The following SIN3A variants were observed in gnomAD, a reference collection of about 807,000 sequenced individuals.
SIN3A encodes SIN3 transcription regulator family member A.
Under a neutral mutation model 146.1 loss-of-function variants are expected in SIN3A, and 14 were observed. The observed-to-expected ratio is 0.10, with a 90% CI of 0.06 to 0.15. The LOEUF (loss-of-function observed/expected upper bound fraction) is 0.15, where lower values mean the gene tolerates loss of function less well. Ranked by LOEUF, SIN3A falls within the 10% of genes least tolerant of loss-of-function variation. SIN3A has a pLI of 1.00. For synonymous variants in SIN3A, 572 were observed against 572.0 expected (o/e 1.00, Z 0.00); for missense variants, 1,028 against 1,576.0 (o/e 0.65, Z 5.89).
intron 8 of SIN3A, among the ~76,000 whole-genome samples, chr15:75,409,374 T>A (rs2073582404): frequency 6.6e-6 from 1 of 151,982 alleles, no homozygotes; most frequent in South Asian, 2.1e-4. Flanking sequence ...CCAGATAAAC[T>A]CTGCACTGAG....
intron 1 of SIN3A, among the ~76,000 whole-genome samples, chr15:75,437,066 A>C (rs2074119978): frequency 6.6e-6 from 1 of 152,220 alleles, no homozygotes; most frequent in Non-Finnish European, 1.5e-5. Flanking sequence ...TTAGAAGTCC[A>C]GCACTGAGCC....
chr15:75,445,727 G>A (rs1181267805), intron 1 of SIN3A, among the ~76,000 whole-genome samples: 1 of 148,448 alleles, frequency 6.7e-6, no homozygotes, highest in Non-Finnish European at 1.5e-5. Flanking sequence ...CTCTAGCCTG[G>A]GCAACACAGT....
At chr15:75,383,719 G>A (rs1347936145) in intron 17 of SIN3A, among the ~76,000 whole-genome samples, 11 of 151,968 alleles carry the variant, frequency 7.2e-5, no homozygotes, top group East Asian at 1.9e-4. Flanking sequence ...TAGTAGAGAC[G>A]GGGGCAATCC....
intron 1 of SIN3A, 87 bp downstream of exon 1, chr15:75,451,336 G>GCC (rs200044330): frequency 1.0e-5 from 1 of 98,974 alleles, no homozygotes; most frequent in African/African-American, 3.5e-5. Context: ...GAGGAGGTCA[G>GCC]CCCCCCCCCC....
rs759986615 is a variant in SIN3A, at chr15:75,380,654, C to T, written c.3358G>A (p.Ala1120Thr). ...CTGGGGAGAAATACTGGTTTCTGTG[C>T]TAGATGTTCACGAAGCTCAGGCGAG... is the stretch of plus-strand genomic sequence containing the variant. ...TTSPELREHL[A>T]QKPVFLPRNL... The change falls in exon 19 of 21, where the codon GCA (alanine) becomes ACA (threonine). Residue 1120 changes from alanine to threonine, a missense_variant. Physicochemically the swap from Ala to Thr is moderately conservative, Grantham distance 58. Around this residue, in one of 9 missense-constraint regions of SIN3A, gnomAD observed 488 missense variants for 690.2 expected, o/e 0.71. Transcript: ENST00000394947. The T allele has an allele frequency of 3.7e-6, 6 of 1,613,868 alleles. No homozygotes were observed. The South Asian group carries it at 6.6e-5, about 18-fold the overall frequency.
intron 1 of SIN3A, 82 bp downstream of exon 1, chr15:75,451,341 C>CG (rs1415540611): frequency 3.8e-5 from 5 of 130,222 alleles, no homozygotes; most frequent in Admixed American, 7.2e-5. Flanking sequence ...GGTCAGCCCC[C>CG]CCCCCCCAAA....
intron 15 of SIN3A, among the ~76,000 whole-genome samples, chr15:75,391,742 T>C (rs1399009991): frequency 6.6e-6 from 1 of 152,204 alleles, no homozygotes; most frequent in East Asian, 1.9e-4. Context: ...TCTCCATGTC[T>C]CATATCACCT....
chr15:75,441,957 A>G (rs1023804588), intron 1 of SIN3A, among the ~76,000 whole-genome samples: 2 of 151,650 alleles, frequency 1.3e-5, no homozygotes, highest in Non-Finnish European at 2.9e-5. Flanking sequence ...CATCTGTACC[A>G]AAACTACAAA....
chr15:75,422,519 C>T (rs763545869), intron 3 of SIN3A, 128 bp downstream of exon 3: 190 of 1,096,904 alleles, frequency 1.7e-4, no homozygotes, highest in East Asian at 7.3e-4. Context: ...AAAACAAAAA[C>T]GGTAAAACTT....
intron 16 of SIN3A, among the ~76,000 whole-genome samples, chr15:75,386,485 TA>T (rs1159769828): frequency 6.6e-6 from 1 of 152,206 alleles, no homozygotes; most frequent in East Asian, 1.9e-4. Flanking sequence ...TCAGATTCTC[TA>T]TCTTGCTAAT....
chr15:75,382,074 C>A (rs547026919), intron 17 of SIN3A, among the ~76,000 whole-genome samples: 1 of 152,134 alleles, frequency 6.6e-6, no homozygotes, highest in African/African-American at 2.4e-5. Context: ...ACTTCTAGGA[C>A]GTAATAGAGG....
At chr15:75,432,243 G>C (rs1281971862) in intron 1 of SIN3A, among the ~76,000 whole-genome samples, 5 of 152,118 alleles carry the variant, frequency 3.3e-5, no homozygotes, top group Non-Finnish European at 5.9e-5. Context: ...TTGGGATGAG[G>C]AACTGAGTCT....
At chr15:75,374,983 A>G (rs2072826787) in intron 20 of SIN3A, among the ~76,000 whole-genome samples, 1 of 152,182 alleles carries the variant, frequency 6.6e-6, no homozygotes, top group African/African-American at 2.4e-5. Flanking sequence ...AAGGTTTCAC[A>G]ATTGAGACAG....
intron 17 of SIN3A, among the ~76,000 whole-genome samples, chr15:75,383,511 C>T (rs1595889775): frequency 2.0e-5 from 3 of 151,504 alleles, no homozygotes; most frequent in Admixed American, 2.0e-4. Context: ...GCAGCCTCGA[C>T]CTCCCAGGCT....
chr15:75,406,426 G>A (rs562659044), intron 9 of SIN3A, among the ~76,000 whole-genome samples: 8 of 152,332 alleles, frequency 5.3e-5, no homozygotes, highest in East Asian at 1.9e-4. Flanking sequence ...GGTGGCTCAC[G>A]CCTGTAATCC....
intron 20 of SIN3A, 91 bp from the exon 21 acceptor site, chr15:75,372,300 A>G: frequency 1.3e-6 from 1 of 785,820 alleles, no homozygotes; most frequent in East Asian, 2.7e-5. Context: ...CTAAAGGAGC[A>G]AAGGAAAGAT....
At chr15:75,438,780 A>G (rs1024369403) in intron 1 of SIN3A, among the ~76,000 whole-genome samples, 1 of 152,040 alleles carries the variant, frequency 6.6e-6, no homozygotes, top group African/African-American at 2.4e-5. Context: ...TTTTTTGCTT[A>G]TTTTTAAATG....
chr15:75,411,735 T>C lies in SIN3A; in HGVS notation c.765A>G (p.Gln255=). The change falls in exon 6 of 21, where the codon CAA becomes CAG. Residue 255 remains glutamine (Q), a synonymous_variant. Transcript: ENST00000394947. ...GACTGGCCGGAGTATGTGCTTGCAG[T>C]TGGGAGGGCTAGAAAGAAAAGAAAT... ...PPPAKVSKPS[Q]LQAHTPASQQ... The C allele has an allele frequency of 6.3e-7, 1 of 1,593,056 alleles. No homozygotes were observed. The highest frequency in any genetic ancestry group is 8.6e-7 in the Non-Finnish European group (1 of 1,168,352).
chr15:75,445,689 T>C (rs1241851373), intron 1 of SIN3A, among the ~76,000 whole-genome samples: 1 of 145,838 alleles, frequency 6.9e-6, no homozygotes, highest in African/African-American at 2.5e-5. Flanking sequence ...TGTGTGTGTG[T>C]GCAATGAGCC....
Sources: gnomAD v4.1 joint callset for allele counts (sites outside exome capture counted in the v4.1 genomes callset) on GRCh38, gnomAD v4.1.1 for gene constraint, gnomAD v4.1.1 regional missense constraint, MANE v1.5 for transcripts, NCBI Gene and HGNC (gene_info 2026-07-23, HGNC 2026-07-21) for gene names.